Variants in ABCB5 observed in about 807,000 individuals in gnomAD.
ABCB5 encodes ATP-binding cassette sub-family B member 5.
In ABCB5, 155 loss-of-function variants were observed where a neutral mutation model predicts 144.2. The ratio of observed to expected loss-of-function variants is 1.08; its 90% confidence interval spans 0.94 to 1.23. The LOEUF is 1.23. ABCB5 is among the 50% of genes most tolerant of loss of function. The pLI, the probability that ABCB5 is intolerant of heterozygous loss-of-function variation, is 0.00. For missense variants in ABCB5, 1,830 were observed against 1,520.8 expected, an observed-to-expected ratio of 1.20 and a Z score of -3.38; for synonymous variants, 610 against 528.6, an observed-to-expected ratio of 1.15 and a Z score of -2.11.
At chr7:20,645,439 C>T (rs748662937) in intron 7 of ABCB5, among the ~76,000 whole-genome samples, 1 of 152,210 alleles carries the variant, frequency 6.6e-6, no homozygotes, top group Non-Finnish European at 1.5e-5. Context: ...GCTCTGAAGG[C>T]AGTATCCCCG....
chr7:20,715,173 T>C (rs1234961580), intron 20 of ABCB5, among the ~76,000 whole-genome samples: 2 of 152,216 alleles, frequency 1.3e-5, no homozygotes, highest in South Asian at 2.1e-4. Context: ...GCCTCTTAAG[T>C]TGCTGGATTA....
chr7:20,734,893 C>T (rs1782335043), intron 23 of ABCB5, among the ~76,000 whole-genome samples: 1 of 152,210 alleles, frequency 6.6e-6, no homozygotes. Context: ...TGTTATTTCA[C>T]TATAAATGTG....
chr7:20,657,482 C>A (rs1046920435), intron 13 of ABCB5, among the ~76,000 whole-genome samples: 7 of 152,028 alleles, frequency 4.6e-5, no homozygotes, highest in African/African-American at 1.7e-4. Context: ...GGATGAATAT[C>A]AAAAACATTA....
intron 13 of ABCB5, among the ~76,000 whole-genome samples, chr7:20,658,037 G>A (rs537116344): frequency 4.6e-5 from 7 of 152,122 alleles, no homozygotes; most frequent in African/African-American, 1.2e-4. Context: ...TGGAAAAAAC[G>A]TTTTAGGGGA....
At chr7:20,669,243 G>C (rs1785368459) in intron 14 of ABCB5, among the ~76,000 whole-genome samples, 2 of 143,930 alleles carry the variant, frequency 1.4e-5, no homozygotes, top group East Asian at 2.3e-4. Flanking sequence ...CGGCTCATTG[G>C]GGATGGGCCA....
At position 20,643,365 on chromosome 7, in the gene ABCB5, C is replaced by A; in HGVS notation, c.496C>A (p.Arg166Ser). 1 of 1,613,888 alleles carries A rather than the reference C, an allele frequency of 6.2e-7. No homozygotes were observed. Among genetic ancestry groups the A allele is most frequent in the Non-Finnish European group, 8.5e-7 (1 of 1,179,838 alleles). The change falls in exon 6 of 28, where the codon CGC becomes AGC. Residue 166 changes from arginine (R) to serine (S), a missense_variant. By Grantham distance (110) the Arg-to-Ser change is moderately radical. Coordinates refer to ENST00000404938, the MANE Select transcript of ABCB5 (RefSeq NM_001163941.2). ...CTGTGACATCGGTGAACTTAACACT[C>A]GCATGACAGAGTAAGAGGATGATAT... The part of the protein sequence containing the change: ...DSCDIGELNT[R>S]MTDDIDKISD...
intron 23 of ABCB5, 57 bp from the exon 24 acceptor site, chr7:20,738,926 C>G (rs1782472681): frequency 6.7e-7 from 1 of 1,491,452 alleles, no homozygotes; most frequent in Admixed American, 2.3e-5. Context: ...TTTTAGAGTT[C>G]TACTGTTTTA....
intron 23 of ABCB5, among the ~76,000 whole-genome samples, chr7:20,733,231 TA>T (rs1375506066): frequency 3.3e-5 from 5 of 152,116 alleles, no homozygotes; most frequent in Non-Finnish European, 7.4e-5. Context: ...CAAACATTCA[TA>T]GAATATTTCT....
chr7:20,701,635 GGA>G (rs1157431753), intron 19 of ABCB5, among the ~76,000 whole-genome samples: 2 of 152,058 alleles, frequency 1.3e-5, no homozygotes, highest in African/African-American at 4.8e-5. Context: ...GTGAATATTA[GGA>G]CTGTAACATT....
chr7:20,718,081 T>G (rs1781744346), intron 20 of ABCB5, among the ~76,000 whole-genome samples: 1 of 147,214 alleles, frequency 6.8e-6, no homozygotes, highest in African/African-American at 2.5e-5. Flanking sequence ...TTTTTGTGGT[T>G]TTTTTTTTTA....
rs867831304 is a variant in ABCB5, at chr7:20,681,588, T to C, written c.1791T>C (p.Asp597=). The C allele has an allele frequency of 1.9e-6, 3 of 1,614,218 alleles. No individual in the cohort carries two copies. Among genetic ancestry groups the C allele is most frequent in the Middle Eastern group, 3.3e-4 (2 of 6,060 alleles). The change falls in exon 15 of 28, where the codon GAT becomes GAC. Residue 597 remains aspartate (D), a synonymous_variant. Transcript: ENST00000404938. ...RSADLIVTLK[D]GMLAEKGAHA... The stretch of plus-strand genomic sequence containing the variant: ...CAGATTTGATTGTGACCCTAAAGGA[T>C]GGAATGCTGGCGGAGAAAGGAGCAC...
chr7:20,634,322 A>C (rs539762072), intron 5 of ABCB5, among the ~76,000 whole-genome samples: 91 of 151,692 alleles, frequency 6.0e-4, no homozygotes, highest in African/African-American at 2.2e-3. Flanking sequence ...GGTTGAGTCC[A>C]TATCTTTGCT....
rs968998851 is a variant in ABCB5 at position 20,722,998 on chromosome 7, A to G, written c.2422-18A>G. The G allele has an allele frequency of 3.7e-6, 6 of 1,612,498 alleles. No homozygotes were observed. In the African/African-American group the frequency reaches 4.0e-5, roughly 11 times the overall value. ...AAAGTTAATTGAGTTTTTTCCCCCA[A>G]AATATGTCTGATTATAGGCAACAGG... is the stretch of plus-strand genomic sequence containing the variant. On this transcript the variant is annotated intron_variant, in intron 20 of 27. Transcript: ENST00000404938.
chr7:20,644,131 G>T (rs1486243345), intron 7 of ABCB5, among the ~76,000 whole-genome samples: 4 of 151,824 alleles, frequency 2.6e-5, no homozygotes, highest in Non-Finnish European at 5.9e-5. Flanking sequence ...TGTCACACAG[G>T]CTGGAGTGCA....
At chr7:20,716,586 T>C (rs1227023833) in intron 20 of ABCB5, among the ~76,000 whole-genome samples, 1 of 152,130 alleles carries the variant, frequency 6.6e-6, no homozygotes, top group East Asian at 1.9e-4. Context: ...CATTACCATA[T>C]AGTTTTCATG....
intron 27 of ABCB5, 74 bp from the exon 28 acceptor site, chr7:20,755,353 T>C: frequency 1.5e-6 from 2 of 1,362,614 alleles, no homozygotes. Flanking sequence ...TTAGACTACC[T>C]TAATTGATTT....
intron 3 of ABCB5, among the ~76,000 whole-genome samples, chr7:20,627,410 G>A (rs548904797): frequency 6.6e-6 from 1 of 152,016 alleles, no homozygotes; most frequent in Non-Finnish European, 1.5e-5. Flanking sequence ...AACGATGAAT[G>A]GAAAAATAAT....
intron 16 of ABCB5, among the ~76,000 whole-genome samples, chr7:20,690,302 C>A (rs923218910): frequency 1.3e-5 from 2 of 152,178 alleles, no homozygotes; most frequent in Admixed American, 1.3e-4. Flanking sequence ...TTACACTCAT[C>A]ATTATTATAT....
intron 5 of ABCB5, chr7:20,641,797 G>A (rs1450717147): frequency 1.3e-5 from 2 of 152,474 alleles, no homozygotes; most frequent in Non-Finnish European, 2.9e-5. Flanking sequence ...TAATCTAGAG[G>A]ACTGAATGGA....
Sources: gnomAD v4.1 joint callset for allele counts (sites outside exome capture counted in the v4.1 genomes callset) on GRCh38, gnomAD v4.1.1 for gene constraint, MANE v1.5 for transcripts, NCBI Gene and HGNC (gene_info 2026-07-23, HGNC 2026-07-21) for gene names.